AOC2: variants seen among roughly 807,000 people sequenced by gnomAD.
AOC2 encodes the protein amine oxidase [copper-containing] 2.
AOC2 carries 57 observed loss-of-function variants against 53.8 expected under a neutral mutation model. That is an observed-to-expected ratio of 1.06 (90% confidence interval 0.86 to 1.32). AOC2 has a LOEUF of 1.32. Among genes scored for constraint, AOC2 ranks in the 40% most tolerant of loss-of-function variants. The pLI, the probability that AOC2 is intolerant of heterozygous loss-of-function variation, is 0.00. For synonymous variants in AOC2, 404 were observed against 399.0 expected (o/e 1.01, Z -0.15); for missense variants, 1,008 against 957.2 (o/e 1.05, Z -0.70).
At chr17:42,847,497 G>C (rs1231882707) in intron 1 of AOC2, among the ~76,000 whole-genome samples, 2 of 152,198 alleles carry the variant, frequency 1.3e-5, no homozygotes, top group Admixed American at 1.3e-4. Context: ...GAATTCCAAG[G>C]AACTCCCAGA....
At chr17:42,848,065 CT>C (rs61450612) in intron 1 of AOC2, among the ~76,000 whole-genome samples, 168 of 101,344 alleles carry the variant, frequency 1.7e-3, no homozygotes, top group South Asian at 4.1e-3. Flanking sequence ...CATGCCCGGC[CT>C]TTTTTTTTTT....
At chr17:42,846,441 C>T (rs1051612614) in intron 1 of AOC2, among the ~76,000 whole-genome samples, 12 of 152,278 alleles carry the variant, frequency 7.9e-5, no homozygotes, top group African/African-American at 2.6e-4. Context: ...AGAGTTCCCC[C>T]GCCCAGCCCC....
rs139067325 is a variant in AOC2 at position 42,844,890 on chromosome 17, G to A, written c.264G>A (p.Ser88=). 2.5e-4 allele frequency: 410 copies of A among 1,612,812 alleles called. No individual in the cohort carries two copies. In the African/African-American group the frequency reaches 4.5e-3, roughly 18 times the overall value. ...TGGACGCAGCCCAGGCTCAGCCCTC[G>A]GACAACTGCATCTTCTCAGTGGAGC... The part of the protein sequence containing the change: ...GLVDAAQAQP[S]DNCIFSVELQ... Residue 88 remains serine, a synonymous_variant, in exon 1 of 4, where the codon TCG becomes TCA. Coordinates refer to ENST00000253799, the MANE Select transcript of AOC2 (RefSeq NM_009590.4).
Position 42,845,491 on chromosome 17 carries a change from C to G in AOC2, c.865C>G (p.Pro289Ala). 6.2e-7 allele frequency: 1 copy of G among 1,614,170 alleles called. No individual in the cohort carries two copies. The highest frequency in any genetic ancestry group is 1.6e-4 in the Middle Eastern group (1 of 6,062). The stretch of plus-strand genomic sequence containing the variant: ...GGAAGTGGTTAGAGTCCCTCTACCT[C>G]CACCAAATGGAGCTTCATCCCTGAG... ...RLEVVRVPLP[P>A]PNGASSLRSR... is the part of the protein sequence containing the mutation. The change falls in exon 1 of 4, where the codon CCA becomes GCA. Residue 289 changes from proline (P) to alanine (A), a missense_variant. Pro to Ala is a conservative substitution (Grantham distance 27). Coordinates refer to ENST00000253799, the MANE Select transcript of AOC2 (RefSeq NM_009590.4).
In AOC2 at chr17:42,844,727, C is replaced by A; in HGVS notation, c.101C>A (p.Pro34His). The part of the protein sequence containing the change: ...LLTSPGGSSQ[P>H]PHCPSVSHRA... ...ACCAGCCCAGGTGGTTCCAGCCAGC[C>A]TCCCCACTGCCCCTCTGTATCCCAT... Residue 34 changes from proline (P) to histidine (H), a missense_variant, in exon 1 of 4, where the codon CCT (proline) becomes CAT (histidine). By Grantham distance (77) the Pro-to-His change is moderately conservative (BLOSUM62 -2). Coordinates refer to ENST00000253799, the MANE Select transcript of AOC2 (RefSeq NM_009590.4). The A allele has an allele frequency of 6.2e-7, 1 of 1,614,226 alleles. No homozygotes were observed. The highest frequency in any genetic ancestry group is 8.5e-7 in the Non-Finnish European group (1 of 1,180,034).
chr17:42,846,927 C>T (rs2055604250), intron 1 of AOC2, among the ~76,000 whole-genome samples: 3 of 152,248 alleles, frequency 2.0e-5, no homozygotes, highest in Admixed American at 1.3e-4. Flanking sequence ...ATTAGAAACT[C>T]ACCAGACCCT....
Position 42,850,359 on chromosome 17 carries a change from G to A in AOC2, c.*11G>A. The A allele has an allele frequency of 6.3e-7, 1 of 1,578,962 alleles. No homozygotes were observed. The highest frequency in any genetic ancestry group is 8.6e-7 in the Non-Finnish European group (1 of 1,156,822). On this transcript the variant is annotated 3_prime_UTR_variant, in exon 4 of 4. Coordinates refer to ENST00000253799, the MANE Select transcript of AOC2 (RefSeq NM_009590.4). ...TACCACGGCTTCTAGTCCTGAGGGT[G>A]TGGCGGGCGGCGTGGTTAGGCACAT...
chr17:42,846,192 C>A lies in AOC2; in HGVS notation c.1566C>A (p.Phe522Leu). The A allele has an allele frequency of 6.6e-7, 1 of 1,521,380 alleles. No individual in the cohort carries two copies. Among genetic ancestry groups the A allele is most frequent in the Non-Finnish European group, 8.8e-7 (1 of 1,134,450 alleles). 94.2% of individuals were successfully genotyped at this position (1,521,380 alleles called of 1,614,324 possible). A position where few individuals can be genotyped will look rare whatever the true frequency, so the allele number is the denominator to read the frequency against. ...CGGTGCACACACATGCCTTCCACTTCAAGCTGGACCTGGATGTGGCAGGTG... is the reference window on the plus strand; with the variant it reads ...CGGTGCACACACATGCCTTCCACTTAAAGCTGGACCTGGATGTGGCAGGTG... ...LGTVHTHAFH[F>L]KLDLDVAGLK... Residue 522 changes from phenylalanine (F) to leucine (L), a missense_variant, in exon 1 of 4, where the codon TTC (phenylalanine) becomes TTA (leucine). Coordinates refer to ENST00000253799, the MANE Select transcript of AOC2 (RefSeq NM_009590.4).
At position 42,849,164 on chromosome 17, in the gene AOC2, A is replaced by G; in HGVS notation, c.1667A>G (p.Gln556Arg). ...AAPWNPEHWL[Q>R]RPQLTRQVLG... is the part of the protein sequence containing the mutation. ...CCCTGGAACCCGGAGCACTGGCTACAGCGCCCACAGCTGACTCGGCAGGTC... is the reference window on the plus strand; with the variant it reads ...CCCTGGAACCCGGAGCACTGGCTACGGCGCCCACAGCTGACTCGGCAGGTC... Residue 556 changes from glutamine to arginine, a missense_variant, in exon 2 of 4, where the codon CAG becomes CGG. Physicochemically the swap from Gln to Arg is conservative, Grantham distance 43. Transcript: ENST00000253799. The G allele has an allele frequency of 6.2e-7, 1 of 1,614,192 alleles. No individual in the cohort carries two copies. The highest frequency in any genetic ancestry group is 8.5e-7 in the Non-Finnish European group (1 of 1,180,020).
At position 42,845,599 on chromosome 17, in the gene AOC2, G is replaced by C; in HGVS notation, c.973G>C (p.Val325Leu). ...GTACAGTGTGCAAGGAAACCTGGTG[G>C]TATCCTCCCTCTGGTCATTTACCTT... The part of the protein sequence containing the change: ...SQYSVQGNLV[V>L]SSLWSFTFGH... Residue 325 changes from valine (V) to leucine (L), a missense_variant, in exon 1 of 4, where the codon GTA becomes CTA. Transcript: ENST00000253799. 1 of 1,614,158 alleles carries C rather than the reference G, an allele frequency of 6.2e-7. No individual in the cohort carries two copies.
chr17:42,847,062 G>T (rs1473107452), intron 1 of AOC2, among the ~76,000 whole-genome samples: 1 of 152,228 alleles, frequency 6.6e-6, no homozygotes, highest in Non-Finnish European at 1.5e-5. Context: ...CTAAAGACAT[G>T]GCACGTGCGT....
At chr17:42,847,752 G>C (rs2055609906) in intron 1 of AOC2, among the ~76,000 whole-genome samples, 3 of 151,744 alleles carry the variant, frequency 2.0e-5, no homozygotes, top group African/African-American at 4.8e-5. Context: ...CTTAGTAGCT[G>C]GGATGACAGG....
chr17:42,849,497 A>G, intron 2 of AOC2, 104 bp from the exon 3 acceptor site: 1 of 1,590,554 alleles, frequency 6.3e-7, no homozygotes, highest in Non-Finnish European at 8.6e-7. Context: ...CAAGTTAGAT[A>G]CACGGTGGGA....
chr17:42,845,809 G>A lies in AOC2; in HGVS notation c.1183G>A (p.Gly395Arg). ...CCGTAACAGCCGAGGCTTGGTGCGG[G>A]GAGTGGACTGCCCCTATCAAGCCAC... ...LGRNSRGLVR[G>R]VDCPYQATMV... The change falls in exon 1 of 4, where the codon GGA (glycine) becomes AGA (arginine). Residue 395 changes from glycine to arginine, a missense_variant. Physicochemically the swap from Gly to Arg is moderately radical, Grantham distance 125 (BLOSUM62 -2). Coordinates refer to ENST00000253799, the MANE Select transcript of AOC2 (RefSeq NM_009590.4). 1 of 1,614,204 alleles carries A rather than the reference G, an allele frequency of 6.2e-7. No individual in the cohort carries two copies. Among genetic ancestry groups the A allele is most frequent in the Non-Finnish European group, 8.5e-7 (1 of 1,180,046 alleles).
Position 42,845,060 on chromosome 17 carries a change from C to G in AOC2, c.434C>G (p.Pro145Arg), listed in dbSNP as rs758476075. Residue 145 changes from proline to arginine, a missense_variant, in exon 1 of 4, where the codon CCC becomes CGC. Coordinates refer to ENST00000253799, the MANE Select transcript of AOC2 (RefSeq NM_009590.4). Reference protein sequence around the residue: ...SELVVGPLPHPSYMRDVTVER... With the variant: ...SELVVGPLPHRSYMRDVTVER... ...CTGGTGGTGGGGCCGCTGCCTCACCCCTCGTACATGCGGGATGTGACTGTG... is the reference window on the plus strand; with the variant it reads ...CTGGTGGTGGGGCCGCTGCCTCACCGCTCGTACATGCGGGATGTGACTGTG... 1.2e-6 allele frequency: 2 copies of G among 1,613,792 alleles called. No individual in the cohort carries two copies. The highest frequency in any genetic ancestry group is 2.7e-5 in the African/African-American group (2 of 74,932).
intron 1 of AOC2, 111 bp downstream of exon 1, chr17:42,846,325 G>T (rs1417933077): frequency 1.6e-6 from 2 of 1,251,388 alleles, no homozygotes; most frequent in African/African-American, 1.5e-5. Context: ...CAAGAGCAGG[G>T]TGTTCCAACA....
At position 42,849,186 on chromosome 17, in the gene AOC2, G is replaced by C. The variant is rs753054416; in HGVS notation, c.1689G>C (p.Gln563His). The C allele has an allele frequency of 2.6e-5, 42 of 1,614,080 alleles. No individual in the cohort carries two copies. Among genetic ancestry groups the C allele is most frequent in the Non-Finnish European group, 3.6e-5 (42 of 1,180,036 alleles). The change falls in exon 2 of 4, where the codon CAG becomes CAC. Residue 563 changes from glutamine (Q) to histidine (H), a missense_variant. Transcript: ENST00000253799. ...HWLQRPQLTR[Q>H]VLGKEDLTAF... Reference sequence around the variant, plus strand: ...TACAGCGCCCACAGCTGACTCGGCAGGTCCTGGGAAAGGAGGACCTGACAG... The same window carrying C: ...TACAGCGCCCACAGCTGACTCGGCACGTCCTGGGAAAGGAGGACCTGACAG...
Position 42,850,532 on chromosome 17 carries a change from A to G in AOC2, c.*184A>G. The G allele has an allele frequency of 1.7e-6, 1 of 582,108 alleles. No homozygotes were observed. The highest frequency in any genetic ancestry group is 3.8e-5 in the Admixed American group (1 of 26,624). The allele number at this position is 582,108 out of a possible 1,614,324, so 36.1% of individuals were successfully genotyped here. On this transcript the variant is annotated 3_prime_UTR_variant, in exon 4 of 4. Coordinates refer to ENST00000253799, the MANE Select transcript of AOC2 (RefSeq NM_009590.4). ...TTCCTGTTCATCTCTAAAGTGTTAA[A>G]TTATAAAAATGATTTTTAAATATTC...
rs2055633904 is a variant in AOC2, at chr17:42,849,734, G to C, written c.2004+4G>C. 2 of 1,614,166 alleles carry C rather than the reference G, an allele frequency of 1.2e-6. No individual in the cohort carries two copies. ...CAATGAAACCCTCTTAGGAGAGGTT[G>C]GTTGCCCTAGGGACATAGGAAAGGG... On this transcript the variant is annotated splice_donor_region_variant and intron_variant, in intron 3 of 3. Coordinates refer to ENST00000253799, the MANE Select transcript of AOC2 (RefSeq NM_009590.4).
Sources: allele counts gnomAD v4.1 joint callset (sites outside exome capture counted in the v4.1 genomes callset), GRCh38; gene constraint gnomAD v4.1.1; transcripts MANE v1.5; gene names NCBI Gene and HGNC (gene_info 2026-07-23, HGNC 2026-07-21).